The following WDTC1 variants were observed in gnomAD, a reference collection of about 807,000 sequenced individuals.
WDTC1 encodes the protein WD and tetratricopeptide repeats protein 1.
A neutral mutation model predicts 76.0 loss-of-function variants in WDTC1; 12 were observed. The observed-to-expected ratio is 0.16, with a 90% confidence interval of 0.10 to 0.26. WDTC1 has a LOEUF of 0.26. Among genes scored for constraint, WDTC1 ranks in the 10% least tolerant of loss-of-function variants. The pLI, the probability that WDTC1 is intolerant of heterozygous loss-of-function variation, is 1.00. For missense variants in WDTC1, 511 were observed against 908.8 expected (o/e 0.56, Z 5.63); for synonymous variants, 326 against 350.8 (o/e 0.93, Z 0.79).
Position 27,298,028 on chromosome 1 carries a change from G to C in WDTC1, c.1149G>C (p.Gln383His). ...FACQQWTQAI[Q>H]LYSKAVQRAP... ...GCCAGCAGTGGACCCAAGCCATTCAGCTTTACAGCAAGGCTGTGCAGAGGG... is the reference window on the plus strand; with the variant it reads ...GCCAGCAGTGGACCCAAGCCATTCACCTTTACAGCAAGGCTGTGCAGAGGG... The change falls in exon 12 of 16, where the codon CAG becomes CAC. Residue 383 changes from glutamine to histidine, a missense_variant. Gln to His is a conservative substitution (Grantham distance 24). Coordinates refer to ENST00000319394, the MANE Select transcript of WDTC1 (RefSeq NM_001276252.2). 2.5e-6 allele frequency: 4 copies of C among 1,614,116 alleles called. No homozygotes were observed. The highest frequency in any genetic ancestry group is 2.2e-5 in the South Asian group (2 of 91,086).
chr1:27,264,865 C>G (rs910480220), intron 3 of WDTC1, among the ~76,000 whole-genome samples: 1 of 151,694 alleles, frequency 6.6e-6, no homozygotes. Flanking sequence ...TGCAGTGGTG[C>G]CATCATGGCT....
chr1:27,281,993 G>A (rs945276474), intron 3 of WDTC1, among the ~76,000 whole-genome samples: 4 of 152,156 alleles, frequency 2.6e-5, no homozygotes, highest in South Asian at 2.1e-4. Flanking sequence ...TCTGCAAAAC[G>A]GGATCAATGA....
rs560054913 is a variant in WDTC1 at position 27,241,115 on chromosome 1, T to C, written c.-100+6164T>C. 2.0e-5 allele frequency among the ~76,000 whole-genome samples: 3 copies of C among 152,264 alleles called. No homozygotes were observed. The East Asian group carries it at 5.8e-4, about 29-fold the overall frequency. On this transcript the variant is annotated intron_variant, in intron 1 of 15. Coordinates refer to ENST00000319394, the MANE Select transcript of WDTC1 (RefSeq NM_001276252.2). ...GCAGAGCCAGATTTGAGGGTCACCGTTGGCATTTTTGTATTTATTATCTTC... is the reference window on the plus strand; with the variant it reads ...GCAGAGCCAGATTTGAGGGTCACCGCTGGCATTTTTGTATTTATTATCTTC...
intron 1 of WDTC1, among the ~76,000 whole-genome samples, chr1:27,239,438 C>T (rs1051957816): frequency 2.7e-5 from 4 of 146,524 alleles, no homozygotes; most frequent in Non-Finnish European, 6.0e-5. Context: ...GGGGGCATCA[C>T]TTGAGTGCAG....
Position 27,284,780 on chromosome 1 carries a change from C to A in WDTC1, c.291+1331C>A, listed in dbSNP as rs907148200. ...CCTCTTCTATTTAAAAAAAAAAAAA[C>A]AACCTGAAAAGGATTCTTCTTTCTT... is the stretch of plus-strand genomic sequence containing the variant. On this transcript the variant is annotated intron_variant, in intron 5 of 15. Transcript: ENST00000319394. Among the ~76,000 whole-genome samples the A allele has an allele frequency of 1.9e-3, 276 of 148,022 alleles. 2 individuals carry two copies. Among genetic ancestry groups the A allele is most frequent in the African/African-American group, 6.6e-3 (267 of 40,536 alleles).
intron 3 of WDTC1, among the ~76,000 whole-genome samples, chr1:27,279,631 A>G (rs570388479): frequency 1.9e-4 from 29 of 152,212 alleles, no homozygotes; most frequent in African/African-American, 6.0e-4. Flanking sequence ...CAGTGACGTG[A>G]TCATGGCTCA....
At chr1:27,287,915 A>AT (rs1296280567) in intron 6 of WDTC1, 54 bp downstream of exon 6, 3 of 1,562,108 alleles carry the variant, frequency 1.9e-6, no homozygotes, top group Non-Finnish European at 2.6e-6. Context: ...CCATCATCCT[A>AT]TAGTGTTTCC....
In WDTC1 at chr1:27,306,387, C is replaced by T. The variant is rs778717497; in HGVS notation, c.*4C>T. On this transcript the variant is annotated 3_prime_UTR_variant, in exon 16 of 16. Transcript: ENST00000319394. This position sits in a 1 kb window ranked among gnomAD's most constrained non-coding sequence, Gnocchi z 5.0. ...GGTGCAGTGCCGGCCCAGCTAGACCCTCCAGCCCTGGTCCCCAGCCCCTGC... is the reference window on the plus strand; with the variant it reads ...GGTGCAGTGCCGGCCCAGCTAGACCTTCCAGCCCTGGTCCCCAGCCCCTGC... 4.3e-6 allele frequency: 7 copies of T among 1,609,998 alleles called. No homozygotes were observed. The South Asian group carries it at 4.4e-5, about 10-fold the overall frequency.
At chr1:27,241,339 C>T (rs991877309) in intron 1 of WDTC1, among the ~76,000 whole-genome samples, 14 of 152,074 alleles carry the variant, frequency 9.2e-5, no homozygotes, top group African/African-American at 3.1e-4. Flanking sequence ...GACTTTTGTA[C>T]AATTTTGTCC....
intron 9 of WDTC1, among the ~76,000 whole-genome samples, chr1:27,296,087 G>T (rs548262304): frequency 6.6e-6 from 1 of 152,208 alleles, no homozygotes; most frequent in Admixed American, 6.5e-5. Context: ...TCTAATTAAT[G>T]ATAGTATTTC....
chr1:27,290,522 G>C lies in WDTC1; in HGVS notation c.480-1693G>C, dbSNP rs1185473063. Among the ~76,000 whole-genome samples, 4 of 152,186 alleles carry C rather than the reference G, an allele frequency of 2.6e-5. No homozygotes were observed. The East Asian group carries it at 7.7e-4, about 29-fold the overall frequency. On this transcript the variant is annotated intron_variant, in intron 6 of 15. Coordinates refer to ENST00000319394, the MANE Select transcript of WDTC1 (RefSeq NM_001276252.2). ...AGCCCAGCACAGCGCCTGGCACATA[G>C]AGCCGCTTGATACATTTCTCTTGAA... is the stretch of plus-strand genomic sequence containing the variant.
chr1:27,243,201 T>TTC (rs1197309032), intron 1 of WDTC1, among the ~76,000 whole-genome samples: 2 of 109,456 alleles, frequency 1.8e-5, no homozygotes, highest in Non-Finnish European at 3.6e-5. Context: ...GCCAGTAATT[T>TTC]TTTTTTTTTT....
intron 5 of WDTC1, among the ~76,000 whole-genome samples, chr1:27,287,174 A>AG (rs2013364346): frequency 6.6e-6 from 1 of 151,660 alleles, no homozygotes; most frequent in East Asian, 1.9e-4. Context: ...AAAAAAAAAA[A>AG]CAAAAAAAAC....
At chr1:27,293,168 C>T (rs1282839683) in intron 7 of WDTC1, among the ~76,000 whole-genome samples, 1 of 150,408 alleles carries the variant, frequency 6.6e-6, no homozygotes, top group Non-Finnish European at 1.5e-5. Context: ...CGTGGTGGCT[C>T]ACGCCTGTAA....
chr1:27,289,884 CTG>C (rs1464268139), intron 6 of WDTC1, among the ~76,000 whole-genome samples: 2 of 152,172 alleles, frequency 1.3e-5, no homozygotes, highest in Non-Finnish European at 2.9e-5. Context: ...ACTCGGCAGG[CTG>C]AGGCAGGAGA....
chr1:27,282,494 T>A (rs925161112), intron 4 of WDTC1, among the ~76,000 whole-genome samples: 3 of 151,728 alleles, frequency 2.0e-5, no homozygotes, highest in African/African-American at 7.3e-5. Flanking sequence ...ATCCAAACCC[T>A]GTTTTGTTTT....
At chr1:27,296,115 G>A (rs2013676303) in intron 9 of WDTC1, among the ~76,000 whole-genome samples, 1 of 152,272 alleles carries the variant, frequency 6.6e-6, no homozygotes, top group African/African-American at 2.4e-5. Flanking sequence ...ACTTTGGGTA[G>A]ATCAGATAGC....
Position 27,305,184 on chromosome 1 carries a change from C to A in WDTC1, c.1827C>A (p.Pro609=). The change falls in exon 15 of 16, where the codon CCC becomes CCA. Residue 609 remains proline, a synonymous_variant. Coordinates refer to ENST00000319394, the MANE Select transcript of WDTC1 (RefSeq NM_001276252.2). This position sits in a 1 kb window ranked among gnomAD's most constrained non-coding sequence, Gnocchi z 4.6. ...GIDPVVRLWN[P]RPESEDLTGR... The stretch of plus-strand genomic sequence containing the variant: ...ATCCTGTTGTGCGGCTCTGGAACCC[C>A]CGACCAGAGGTGAGGGTGCAGAGCC... The A allele has an allele frequency of 6.2e-7, 1 of 1,613,628 alleles. No homozygotes were observed. Among genetic ancestry groups the A allele is most frequent in the South Asian group, 1.1e-5 (1 of 91,058 alleles).
At chr1:27,291,274 A>G (rs181816896) in intron 6 of WDTC1, among the ~76,000 whole-genome samples, 26 of 152,372 alleles carry the variant, frequency 1.7e-4, no homozygotes, top group Admixed American at 4.6e-4. Context: ...AAACTGAGGA[A>G]TAAGGTTGGA....
Sources: gnomAD v4.1 joint callset for allele counts (sites outside exome capture counted in the v4.1 genomes callset) on GRCh38, gnomAD v4.1.1 for gene constraint, Gnocchi (gnomAD v3.1) non-coding constraint, MANE v1.5 for transcripts, NCBI Gene and HGNC (gene_info 2026-07-23, HGNC 2026-07-21) for gene names.